Variants in UPK1A observed in about 807,000 individuals in gnomAD.
UPK1A encodes uroplakin-1a.
A neutral mutation model predicts 32.3 loss-of-function variants in UPK1A; 31 were observed. The observed-to-expected ratio is 0.96, with a 90% CI of 0.72 to 1.30. UPK1A has a LOEUF of 1.30. UPK1A is among the 50% of genes most tolerant of loss of function. The pLI, the probability that UPK1A is intolerant of heterozygous loss-of-function variation, is 0.00. For missense variants in UPK1A, 340 were observed against 357.4 expected (o/e 0.95, Z 0.39); for synonymous variants, 135 against 137.1 (o/e 0.98, Z 0.11).
intron 3 of UPK1A, among the ~76,000 whole-genome samples, chr19:35,672,344 C>G (rs954073421): frequency 2.0e-5 from 3 of 152,036 alleles, no homozygotes; most frequent in African/African-American, 7.2e-5. Context: ...TCATTGCAAC[C>G]TCTGCCTCCT....
chr19:35,667,193 G>T (rs1327386480), intron 2 of UPK1A, among the ~76,000 whole-genome samples: 1 of 152,182 alleles, frequency 6.6e-6, no homozygotes, highest in African/African-American at 2.4e-5. Context: ...GACCAATGCT[G>T]GCTATCACCA....
chr19:35,675,940 G>A, exon 6 of UPK1A: 1 of 1,613,922 alleles, frequency 6.2e-7, no homozygotes, highest in South Asian at 1.1e-5. Flanking sequence ...CCCCCACTGT[G>A]CTGTCGCCGG....
At position 35,671,580 on chromosome 19, in the gene UPK1A, C is replaced by T. The variant is rs1968101825; in HGVS notation, c.286-1652C>T. Among the ~76,000 whole-genome samples, 4 of 148,274 alleles carry T rather than the reference C, an allele frequency of 2.7e-5. No homozygotes were observed. The South Asian group carries it at 8.8e-4, about 32-fold the overall frequency. On this transcript the variant is annotated intron_variant, in intron 3 of 7. Transcript: ENST00000617999. ...TCACGCCATTCTCCTGCCTCAGCCT[C>T]CCGAGTAGCTGGGACTACAGGCACC...
At chr19:35,673,500 C>T in exon 5 of UPK1A, 1 of 1,613,238 alleles carries the variant, frequency 6.2e-7, no homozygotes, top group Non-Finnish European at 8.5e-7. Flanking sequence ...CGGACACCGA[C>T]CAGGGCCAGG....
At chr19:35,670,275 A>G (rs1968065834) in intron 3 of UPK1A, among the ~76,000 whole-genome samples, 1 of 152,074 alleles carries the variant, frequency 6.6e-6, no homozygotes, top group Non-Finnish European at 1.5e-5. Context: ...GAGAACAGTG[A>G]GGAATGGGGA....
intron 5 of UPK1A, 69 bp downstream of exon 5, chr19:35,673,614 T>A (rs1300613789): frequency 1.4e-6 from 2 of 1,410,750 alleles, no homozygotes; most frequent in East Asian, 4.6e-5. Context: ...GAGCTCCCGA[T>A]GTGCCAGCTT....
At chr19:35,677,754 G>A (rs890797339) in intron 6 of UPK1A, 58 bp from the exon 7 acceptor site, 14 of 1,601,974 alleles carry the variant, frequency 8.7e-6, no homozygotes, top group Middle Eastern at 2.3e-4. Flanking sequence ...AGTGACTCTC[G>A]CTTTCAGCGG....
rs536802433 is a variant in UPK1A, at chr19:35,677,101, G to A, written c.649-711G>A. On this transcript the variant is annotated intron_variant, in intron 6 of 7. Coordinates refer to ENST00000617999, the Ensembl canonical transcript of UPK1A. ...TAGCCAGGCGTGGTGGTGCGCGCCT[G>A]TAATCCCAGCTACTGGGGAGGCTAA... Among the ~76,000 whole-genome samples, 5 of 152,086 alleles carry A rather than the reference G, an allele frequency of 3.3e-5. No individual in the cohort carries two copies. In the East Asian group the frequency reaches 9.7e-4, roughly 29 times the overall value.
intron 6 of UPK1A, 33 bp from the exon 7 acceptor site, chr19:35,677,779 G>A (rs200094868): frequency 3.0e-4 from 490 of 1,611,254 alleles, no homozygotes; most frequent in Non-Finnish European, 3.6e-4. Context: ...CCTCATGGGC[G>A]TCTTCTCAAA....
At chr19:35,669,709 A>G (rs548918421) in intron 3 of UPK1A, among the ~76,000 whole-genome samples, 1 of 152,214 alleles carries the variant, frequency 6.6e-6, no homozygotes, top group South Asian at 2.1e-4. Context: ...CAATCTTGCC[A>G]GAAGCCCTTC....
At chr19:35,675,759 C>A in intron 5 of UPK1A, 81 bp from the exon 6 acceptor site, 1 of 1,491,988 alleles carries the variant, frequency 6.7e-7, no homozygotes. Flanking sequence ...GCCAATCCTG[C>A]CCCTCCTTGC....
intron 3 of UPK1A, among the ~76,000 whole-genome samples, chr19:35,669,878 A>G (rs1451634309): frequency 1.3e-5 from 2 of 152,226 alleles, no homozygotes; most frequent in East Asian, 3.9e-4. Flanking sequence ...GGTTTTTCAG[A>G]TTCCCAGAAG....
chr19:35,678,032 G>C, exon 8 of UPK1A: 2 of 1,572,204 alleles, frequency 1.3e-6, no homozygotes, highest in Non-Finnish European at 1.7e-6. Flanking sequence ...GACAGGAGGG[G>C]AAGGCAACAT....
At position 35,668,455 on chromosome 19, in the gene UPK1A, T is replaced by G. The variant is rs1968033892; in HGVS notation, c.86T>G (p.Leu29Arg). The stretch of plus-strand genomic sequence containing the variant: ...TTCCTAACCCACCGCTCTGTCCAGC[T>G]GTCAGGCCTGTCCCTGTTTGCTGAG... The change falls in exon 3 of 8, where the codon CTG becomes CGG. Residue 29 changes from leucine to arginine, a missense_variant and splice_region_variant. Transcript: ENST00000617999. 4.3e-6 allele frequency: 7 copies of G among 1,614,156 alleles called. No individual in the cohort carries two copies. The East Asian group carries it at 1.6e-4, about 36-fold the overall frequency.
At chr19:35,673,838 A>G (rs182276263) in intron 5 of UPK1A, among the ~76,000 whole-genome samples, 2 of 152,290 alleles carry the variant, frequency 1.3e-5, no homozygotes, top group African/African-American at 4.8e-5. Context: ...CTACCTCAAC[A>G]GAAATGTTGA....
At chr19:35,676,080 C>A (rs2146389290) in intron 6 of UPK1A, 61 bp downstream of exon 6, 1 of 1,524,422 alleles carries the variant, frequency 6.6e-7, no homozygotes. Context: ...CTGGTCTCTG[C>A]TCCCTCTCTG....
At chr19:35,672,658 A>G (rs575753900) in intron 3 of UPK1A, among the ~76,000 whole-genome samples, 48 of 152,306 alleles carry the variant, frequency 3.2e-4, no homozygotes, top group South Asian at 2.5e-3. Context: ...GCCTCCAACT[A>G]CTGGGCTCAA....
At position 35,673,564 on chromosome 19, in the gene UPK1A, G is replaced by A. The variant is rs1311899448; in HGVS notation, c.468+19G>A. ...GATTGAGGTGGGCGGGGTGGACCGG[G>A]TGCTGGGAGGGCCCTGGGCTCCGTC... is the stretch of plus-strand genomic sequence containing the variant. On this transcript the variant is annotated intron_variant, in intron 5 of 7. Transcript: ENST00000617999. 6.2e-7 allele frequency: 1 copy of A among 1,610,182 alleles called. No homozygotes were observed. The highest frequency in any genetic ancestry group is 1.7e-4 in the Middle Eastern group (1 of 6,044).
rs539468487 is a variant in UPK1A at position 35,675,709 on chromosome 19, G to A, written c.469-131G>A. The A allele has an allele frequency of 3.8e-6, 4 of 1,057,528 alleles. No homozygotes were observed. The African/African-American group carries it at 4.8e-5, about 13-fold the overall frequency. The allele number at this position is 1,057,528 out of a possible 1,614,324, so 65.5% of individuals were successfully genotyped here. On this transcript the variant is annotated intron_variant, in intron 5 of 7. Transcript: ENST00000617999. ...CACCCACCGGACACACTCGCTTGGA[G>A]GCCCAGGACATGGGGAAGTTGGGCC...
Sources: allele counts gnomAD v4.1 joint callset (sites outside exome capture counted in the v4.1 genomes callset), GRCh38; gene constraint gnomAD v4.1.1; transcripts MANE v1.5; gene names NCBI Gene and HGNC (gene_info 2026-07-23, HGNC 2026-07-21).